SMYD3: variants seen among roughly 807,000 people sequenced by gnomAD.
The protein encoded by SMYD3 is histone-lysine N-methyltransferase SMYD3.
Under a neutral mutation model 57.7 loss-of-function variants are expected in SMYD3, and 36 were observed. The observed-to-expected ratio is 0.62, with a 90% CI of 0.48 to 0.82. The LOEUF (loss-of-function observed/expected upper bound fraction) is 0.82. SMYD3 is among the 40% of genes least tolerant of loss of function. The pLI, the probability that SMYD3 is intolerant of heterozygous loss-of-function variation, is 0.00. For synonymous variants in SMYD3, 211 were observed against 195.0 expected (o/e 1.08, Z -0.68); for missense variants, 515 against 538.8 (o/e 0.96, Z 0.44).
At chr1:245,848,068 T>C (rs994931418) in intron 10 of SMYD3, among the ~76,000 whole-genome samples, 3 of 151,882 alleles carry the variant, frequency 2.0e-5, no homozygotes. Flanking sequence ...AAGTTGTTTA[T>C]ACTGAAAGTC....
At chr1:246,313,575 C>T (rs905769276) in intron 5 of SMYD3, among the ~76,000 whole-genome samples, 1 of 152,150 alleles carries the variant, frequency 6.6e-6, no homozygotes, top group Non-Finnish European at 1.5e-5. Context: ...AGCATCAAAA[C>T]GAAAACCAAA....
intron 5 of SMYD3, among the ~76,000 whole-genome samples, chr1:246,110,755 T>C (rs1466707004): frequency 6.6e-6 from 1 of 152,228 alleles, no homozygotes; most frequent in Non-Finnish European, 1.5e-5. Flanking sequence ...ATATTACACA[T>C]GGAGTTGCGC....
intron 10 of SMYD3, among the ~76,000 whole-genome samples, chr1:245,820,748 A>G (rs1443695828): frequency 6.6e-6 from 1 of 151,094 alleles, no homozygotes. Flanking sequence ...TTATACACCA[A>G]CAACAGACAA....
chr1:245,865,497 T>G (rs1315681452), intron 8 of SMYD3, among the ~76,000 whole-genome samples: 1 of 152,224 alleles, frequency 6.6e-6, no homozygotes, highest in Non-Finnish European at 1.5e-5. Context: ...AGACTCAGAT[T>G]AAGTGACTTA....
chr1:246,093,156 G>A (rs1353624158), intron 5 of SMYD3, among the ~76,000 whole-genome samples: 1 of 152,166 alleles, frequency 6.6e-6, no homozygotes, highest in Non-Finnish European at 1.5e-5. Flanking sequence ...CTCATATCCT[G>A]TTGGTGAGAA....
intron 5 of SMYD3, among the ~76,000 whole-genome samples, chr1:246,069,649 C>T (rs182119103): frequency 9.4e-4 from 143 of 152,292 alleles, no homozygotes; most frequent in Admixed American, 8.2e-3. Context: ...TGCTAAATCC[C>T]GGAAGACATC....
chr1:246,193,151 T>C (rs953419353), intron 5 of SMYD3, among the ~76,000 whole-genome samples: 2 of 152,216 alleles, frequency 1.3e-5, no homozygotes, highest in African/African-American at 4.8e-5. Flanking sequence ...TATCGTCATA[T>C]CTTGTTTACT....
intron 5 of SMYD3, among the ~76,000 whole-genome samples, chr1:245,999,884 C>A (rs901879370): frequency 1.3e-5 from 2 of 152,188 alleles, no homozygotes; most frequent in African/African-American, 4.8e-5. Flanking sequence ...ACTTACTTTG[C>A]TTACTTCTTC....
At chr1:246,500,168 T>C (rs531742364) in intron 1 of SMYD3, among the ~76,000 whole-genome samples, 79 of 152,294 alleles carry the variant, frequency 5.2e-4, no homozygotes, top group African/African-American at 1.7e-3. Context: ...TTATTCAAAG[T>C]CCTCAGAGAG....
In SMYD3 at chr1:246,039,945, GA is replaced by G. The variant is rs1198548879; in HGVS notation, c.532-110009del. ...AAGCCCAAGCTTATTTCAAGTACTA[GA>G]AAAGTAACAACATTAACGCAGCATT... On this transcript the variant is annotated intron_variant, in intron 5 of 11. Transcript: ENST00000490107. Among the ~76,000 whole-genome samples, 7 of 152,248 alleles carry G rather than the reference GA, an allele frequency of 4.6e-5. No homozygotes were observed. In the East Asian group the frequency reaches 1.4e-3, roughly 29 times the overall value.
Position 245,858,639 on chromosome 1 carries a change from T to C in SMYD3, c.933A>G (p.Ala311=), listed in dbSNP as rs2362587. The change falls in exon 10 of 12, where the codon GCA becomes GCG. Residue 311 remains alanine (A), a synonymous_variant. Transcript: ENST00000490107. ...KWEQVLAMCQ[A]IISSNSERLP... ...GCCGTTCAGAATTGCTGCTTATGATTGCCTGGCACATGGCCAGAACCTGCT... is the reference window on the plus strand; with the variant it reads ...GCCGTTCAGAATTGCTGCTTATGATCGCCTGGCACATGGCCAGAACCTGCT... 0.65 allele frequency: 1,056,560 copies of C among 1,613,896 alleles called. 363,338 individuals are homozygous for C. The highest frequency in any genetic ancestry group is 0.72 in the Non-Finnish European group (852,661 of 1,179,902).
chr1:245,939,873 G>A (rs1252905339), intron 5 of SMYD3, among the ~76,000 whole-genome samples: 3 of 152,252 alleles, frequency 2.0e-5, no homozygotes, highest in East Asian at 1.9e-4. Flanking sequence ...AGAACGGTTC[G>A]AAAGTCTTTT....
chr1:246,294,056 T>C (rs1331080398), intron 5 of SMYD3, among the ~76,000 whole-genome samples: 8 of 152,224 alleles, frequency 5.3e-5, no homozygotes, highest in African/African-American at 1.2e-4. Context: ...CAGTCGCCTT[T>C]GCTGGCTTCT....
intron 5 of SMYD3, among the ~76,000 whole-genome samples, chr1:246,286,585 T>A (rs568784446): frequency 1.3e-5 from 2 of 152,328 alleles, no homozygotes; most frequent in Non-Finnish European, 2.9e-5. Context: ...TTTTTAAAAA[T>A]TTTTAGAAAT....
intron 5 of SMYD3, among the ~76,000 whole-genome samples, chr1:245,971,821 C>T (rs1178823726): frequency 6.6e-6 from 1 of 152,186 alleles, no homozygotes; most frequent in Admixed American, 6.5e-5. Flanking sequence ...CTTAAAACAA[C>T]TCTGTGAAGG....
At position 246,202,615 on chromosome 1, in the gene SMYD3, C is replaced by A. The variant is rs187188835; in HGVS notation, c.531+124586G>T. 1.3e-5 allele frequency among the ~76,000 whole-genome samples: 2 copies of A among 152,370 alleles called. No individual in the cohort carries two copies. Among genetic ancestry groups the A allele is most frequent in the East Asian group, 3.9e-4 (2 of 5,190 alleles). On this transcript the variant is annotated intron_variant, in intron 5 of 11. Coordinates refer to ENST00000490107, the MANE Select transcript of SMYD3 (RefSeq NM_001167740.2). The surrounding 1 kb of genome is among the most constrained non-coding windows in gnomAD (Gnocchi z 4.1). ...GTGACGTATTAAATCCACGCACAGT[C>A]TCAGAAATGCAATTCCTCCTTGAAA... is the stretch of plus-strand genomic sequence containing the variant.
intron 5 of SMYD3, among the ~76,000 whole-genome samples, chr1:246,137,991 T>C (rs529611932): frequency 2.0e-5 from 3 of 152,298 alleles, no homozygotes; most frequent in East Asian, 3.9e-4. Flanking sequence ...TCATCCCCCA[T>C]TACACACACA....
At chr1:246,309,190 A>T (rs1301822697) in intron 5 of SMYD3, among the ~76,000 whole-genome samples, 1 of 152,232 alleles carries the variant, frequency 6.6e-6, no homozygotes, top group Non-Finnish European at 1.5e-5. Flanking sequence ...TGTTAAAAAA[A>T]AGTTTAATTC....
At chr1:245,837,281 T>C (rs10802277) in intron 10 of SMYD3, among the ~76,000 whole-genome samples, 35,876 of 149,150 alleles carry the variant, frequency 0.24, 5,462 homozygotes, top group East Asian at 0.66. Context: ...AGGAAGAAGA[T>C]GAAGAAGAGA....
Sources: allele counts gnomAD v4.1 joint callset (sites outside exome capture counted in the v4.1 genomes callset), GRCh38; gene constraint gnomAD v4.1.1; non-coding constraint Gnocchi (gnomAD v3.1); transcripts MANE v1.5; gene names NCBI Gene and HGNC (gene_info 2026-07-23, HGNC 2026-07-21).